Variants in PLXNA2 observed in about 807,000 individuals in gnomAD.
PLXNA2 encodes plexin-A2.
Under a neutral mutation model 193.5 loss-of-function variants are expected in PLXNA2, and 91 were observed. That is an observed-to-expected ratio of 0.47 (90% CI 0.40 to 0.56). The LOEUF is 0.56. Ranked by LOEUF, PLXNA2 falls within the 20% of genes least tolerant of loss-of-function variation. PLXNA2 has a pLI of 0.00. For missense variants in PLXNA2, 1,995 were observed against 2,503.2 expected, an observed-to-expected ratio of 0.80 and a Z score of 4.33; for synonymous variants, 997 against 1,027.3, an observed-to-expected ratio of 0.97 and a Z score of 0.56.
rs1454997170 is a variant in PLXNA2, at chr1:208,210,603, G to T, written c.1189-141C>A. 7.6e-6 allele frequency: 5 copies of T among 654,006 alleles called. No individual in the cohort carries two copies. In the East Asian group the frequency reaches 1.1e-4, roughly 15 times the overall value. 40.5% of individuals were successfully genotyped at this position (654,006 alleles called of 1,614,324 possible). ...TGGGAGTTCAGGGGCCCTAATACAA[G>T]CTGCAGACAAAAACTTCTCACCAGC... On this transcript the variant is annotated intron_variant, in intron 2 of 31. Coordinates refer to ENST00000367033, the MANE Select transcript of PLXNA2 (RefSeq NM_025179.4).
At chr1:208,085,740 G>A (rs1354361414) in intron 9 of PLXNA2, among the ~76,000 whole-genome samples, 1 of 152,116 alleles carries the variant, frequency 6.6e-6, no homozygotes, top group Non-Finnish European at 1.5e-5. Context: ...TCTGGCCCTT[G>A]CCTACCTCCC....
chr1:208,133,386 G>A (rs1312163302), intron 4 of PLXNA2, among the ~76,000 whole-genome samples: 2 of 152,170 alleles, frequency 1.3e-5, no homozygotes, highest in East Asian at 1.9e-4. Context: ...CTATACAAAA[G>A]CATACGTAAT....
chr1:208,220,261 G>C (rs1471469552), intron 1 of PLXNA2, among the ~76,000 whole-genome samples: 1 of 152,120 alleles, frequency 6.6e-6, no homozygotes, highest in Non-Finnish European at 1.5e-5. Flanking sequence ...CAGAATCTGG[G>C]AACAAATTTG....
Position 208,152,815 on chromosome 1 carries a change from A to G in PLXNA2, c.1372-10352T>C, listed in dbSNP as rs1009410608. On this transcript the variant is annotated intron_variant, in intron 3 of 31. Transcript: ENST00000367033. The stretch of plus-strand genomic sequence containing the variant: ...AACATGGCCTTCTCACCATTTTCCA[A>G]TTGCATCCCCAGCTTTTTCGTCTTC... Among the ~76,000 whole-genome samples, 82 of 147,986 alleles carry G rather than the reference A, an allele frequency of 5.5e-4. 5 individuals are homozygous for G. Among genetic ancestry groups the G allele is most frequent in the Admixed American group, 6.7e-5 (1 of 14,846 alleles).
chr1:208,082,531 A>C lies in PLXNA2; in HGVS notation c.2299-23T>G. On this transcript the variant is annotated intron_variant, in intron 10 of 31. Coordinates refer to ENST00000367033, the MANE Select transcript of PLXNA2 (RefSeq NM_025179.4). This position sits in a 1 kb window ranked among gnomAD's most constrained non-coding sequence, Gnocchi z 4.2. Reference sequence around the variant, plus strand: ...GTACTATAGGGAGACGGGCAGAGGCATGGGGCTCATGTGGCTCTCTATCAC... The same window carrying C: ...GTACTATAGGGAGACGGGCAGAGGCCTGGGGCTCATGTGGCTCTCTATCAC... The C allele has an allele frequency of 6.4e-7, 1 of 1,554,860 alleles. No individual in the cohort carries two copies. The highest frequency in any genetic ancestry group is 8.9e-7 in the Non-Finnish European group (1 of 1,126,672).
intron 29 of PLXNA2, chr1:208,031,110 T>C: frequency 1.0e-6 from 1 of 999,660 alleles, no homozygotes; most frequent in Non-Finnish European, 1.2e-6. Flanking sequence ...GAACTCCCTC[T>C]CCGGTGCTGA....
intron 3 of PLXNA2, among the ~76,000 whole-genome samples, chr1:208,167,544 G>T (rs762043907): frequency 3.3e-5 from 5 of 152,150 alleles, no homozygotes; most frequent in Non-Finnish European, 7.3e-5. Context: ...CAAGGAGCAC[G>T]TCTCCTGAAA....
At chr1:208,140,701 A>T (rs937872275) in intron 4 of PLXNA2, among the ~76,000 whole-genome samples, 9 of 152,172 alleles carry the variant, frequency 5.9e-5, no homozygotes, top group African/African-American at 2.2e-4. Context: ...TCTTTTCTGT[A>T]TGCATTGCTT....
At chr1:208,090,531 T>A (rs1310705721) in intron 9 of PLXNA2, among the ~76,000 whole-genome samples, 1 of 152,128 alleles carries the variant, frequency 6.6e-6, no homozygotes, top group Admixed American at 6.5e-5. Flanking sequence ...CTGCTTCCAA[T>A]TAGCCTGCAG....
At chr1:208,227,680 C>T (rs999824869) in intron 1 of PLXNA2, among the ~76,000 whole-genome samples, 4 of 152,156 alleles carry the variant, frequency 2.6e-5, no homozygotes, top group Admixed American at 2.0e-4. Context: ...TCCTGGTTAT[C>T]AAGCACCAGG....
At chr1:208,230,726 G>A (rs1046325206) in intron 1 of PLXNA2, among the ~76,000 whole-genome samples, 1 of 152,244 alleles carries the variant, frequency 6.6e-6, no homozygotes, top group African/African-American at 2.4e-5. Context: ...TCAGGAGGAA[G>A]CTTCTTAAGC....
At chr1:208,160,501 C>G (rs931954338) in intron 3 of PLXNA2, among the ~76,000 whole-genome samples, 2 of 152,234 alleles carry the variant, frequency 1.3e-5, no homozygotes, top group African/African-American at 4.8e-5. Context: ...ATCTGATACT[C>G]AACAGCATCT....
chr1:208,092,488 CTGTT>C (rs1262030986), intron 9 of PLXNA2, among the ~76,000 whole-genome samples: 10 of 152,236 alleles, frequency 6.6e-5, no homozygotes, highest in Admixed American at 2.6e-4. Flanking sequence ...ACCAGGGAGT[CTGTT>C]TGGTTGAATA....
intron 4 of PLXNA2, among the ~76,000 whole-genome samples, chr1:208,124,946 G>C (rs901031848): frequency 6.6e-6 from 1 of 152,036 alleles, no homozygotes; most frequent in East Asian, 1.9e-4. Context: ...CAGAGAATGG[G>C]GTATAGCCAT....
intron 4 of PLXNA2, among the ~76,000 whole-genome samples, chr1:208,121,145 G>A (rs1176517336): frequency 2.6e-5 from 4 of 152,192 alleles, no homozygotes; most frequent in Admixed American, 2.6e-4. Flanking sequence ...ATGCTGCTGG[G>A]AAGGAGATTT....
At chr1:208,218,678 G>A (rs1172732107) in intron 1 of PLXNA2, among the ~76,000 whole-genome samples, 1 of 152,202 alleles carries the variant, frequency 6.6e-6, no homozygotes, top group African/African-American at 2.4e-5. Flanking sequence ...AACTTGTTAG[G>A]AAAGGGAAAA....
At chr1:208,227,776 C>T (rs533235294) in intron 1 of PLXNA2, among the ~76,000 whole-genome samples, 221 of 152,224 alleles carry the variant, frequency 1.5e-3, no homozygotes, top group African/African-American at 5.0e-3. Context: ...TTTCAAAGAG[C>T]CTGGAAATGT....
intron 4 of PLXNA2, among the ~76,000 whole-genome samples, chr1:208,106,660 A>ATAAT (rs1250241272): frequency 1.3e-5 from 2 of 152,264 alleles, no homozygotes; most frequent in Non-Finnish European, 2.9e-5. Flanking sequence ...AATTACATCA[A>ATAAT]TAATTTTTAT....
intron 4 of PLXNA2, among the ~76,000 whole-genome samples, chr1:208,116,987 C>T (rs577717551): frequency 3.0e-4 from 46 of 152,254 alleles, no homozygotes; most frequent in Middle Eastern, 6.8e-3. Context: ...GCCTGGCCAA[C>T]ATGGTGAAAC....
Sources: allele counts gnomAD v4.1 joint callset (sites outside exome capture counted in the v4.1 genomes callset), GRCh38; gene constraint gnomAD v4.1.1; non-coding constraint Gnocchi (gnomAD v3.1); transcripts MANE v1.5; gene names NCBI Gene and HGNC (gene_info 2026-07-23, HGNC 2026-07-21).